Variants in STK38L observed in about 807,000 individuals in gnomAD.
The protein encoded by STK38L is serine/threonine-protein kinase 38-like.
In STK38L, 28 loss-of-function variants were observed where a neutral mutation model predicts 59.7. That is an observed-to-expected ratio of 0.47 (90% CI 0.35 to 0.64). STK38L has a LOEUF of 0.64. STK38L is among the 30% of genes least tolerant of loss of function. The pLI is 0.01. For missense variants in STK38L, 314 were observed against 555.8 expected, an observed-to-expected ratio of 0.56 and a Z score of 4.37; for synonymous variants, 162 against 176.8, an observed-to-expected ratio of 0.92 and a Z score of 0.66.
At chr12:27,317,856 A>G (rs766738308) in intron 10 of STK38L, 40 bp from the exon 11 acceptor site, 1 of 1,610,488 alleles carries the variant, frequency 6.2e-7, no homozygotes, top group Non-Finnish European at 8.5e-7. Context: ...TTCACTGCTC[A>G]CAAAGCTGAT....
chr12:27,317,298 T>C (rs776505808), intron 9 of STK38L, 38 bp from the exon 10 acceptor site: 8 of 1,431,270 alleles, frequency 5.6e-6, no homozygotes, highest in Non-Finnish European at 3.9e-6. Flanking sequence ...ATTTTTTAAA[T>C]GTTAAGAATG....
intron 1 of STK38L, among the ~76,000 whole-genome samples, chr12:27,267,779 T>G (rs1459516255): frequency 6.6e-6 from 1 of 152,018 alleles, no homozygotes; most frequent in African/African-American, 2.4e-5. Context: ...TTTGTTAGAG[T>G]ATGAAGTGGT....
chr12:27,310,075 G>A (rs1181012412), intron 5 of STK38L, among the ~76,000 whole-genome samples: 3 of 152,184 alleles, frequency 2.0e-5, no homozygotes, highest in Non-Finnish European at 4.4e-5. Flanking sequence ...AAGGCTCATT[G>A]AGATTTGCAG....
chr12:27,311,748 AGTTACTATAATT>A (rs1285573225), intron 5 of STK38L, among the ~76,000 whole-genome samples: 1 of 108,282 alleles, frequency 9.2e-6, no homozygotes, highest in Non-Finnish European at 1.9e-5. Context: ...TATAACATAA[AGTTACTATAATT>A]GTTACTATTT....
At chr12:27,305,563 G>T (rs1173339513) in intron 3 of STK38L, among the ~76,000 whole-genome samples, 33 of 152,106 alleles carry the variant, frequency 2.2e-4, no homozygotes. Context: ...GGGTGGGTTT[G>T]ATAAAAAATA....
In STK38L at chr12:27,308,859, A is replaced by T. The variant is rs200642729; in HGVS notation, c.310-255A>T. ...ATGTGTTTGTATGTATATATAAAAA[A>T]ATATATATAAATATAAATATATATA... On this transcript the variant is annotated intron_variant, in intron 4 of 13. Transcript: ENST00000389032. This position sits in a 1 kb window ranked among gnomAD's most constrained non-coding sequence, Gnocchi z 4.5. Among the ~76,000 whole-genome samples the T allele has an allele frequency of 0.1, 13,843 of 135,466 alleles. 666 individuals carry two copies. Among genetic ancestry groups the T allele is most frequent in the South Asian group, 0.12 (555 of 4,590 alleles). 88.9% of individuals were successfully genotyped at this position (135,466 alleles called of 152,430 possible).
intron 1 of STK38L, among the ~76,000 whole-genome samples, chr12:27,246,926 T>C (rs1942867468): frequency 6.6e-6 from 1 of 152,218 alleles, no homozygotes; most frequent in African/African-American, 2.4e-5. Context: ...CTGTGGTTGC[T>C]GTCTTCAAGG....
At chr12:27,284,401 T>C (rs1055812231) in intron 1 of STK38L, among the ~76,000 whole-genome samples, 2 of 152,200 alleles carry the variant, frequency 1.3e-5, no homozygotes, top group African/African-American at 2.4e-5. Flanking sequence ...CTAGATAATA[T>C]AGTCTCTCTC....
chr12:27,270,058 G>T (rs1025573699), intron 1 of STK38L, among the ~76,000 whole-genome samples: 5 of 151,958 alleles, frequency 3.3e-5, no homozygotes, highest in Admixed American at 1.3e-4. Flanking sequence ...CAGTGTTGTC[G>T]CCTGATTGTA....
chr12:27,318,122 G>A lies in STK38L; in HGVS notation c.1079+103G>A, dbSNP rs1944631703. 2.0e-5 allele frequency: 27 copies of A among 1,364,310 alleles called. No homozygotes were observed. In the South Asian group the frequency reaches 3.1e-4, roughly 16 times the overall value. The allele number at this position is 1,364,310 out of a possible 1,614,324, so 84.5% of individuals were successfully genotyped here. A position where few individuals can be genotyped will look rare whatever the true frequency, so the allele number is the denominator to read the frequency against. ...TGGGGGAAGAGGGGATACCACTGAT[G>A]TATACAGTCAAAGAGATCAATAAAG... On this transcript the variant is annotated intron_variant, in intron 11 of 13. Coordinates refer to ENST00000389032, the MANE Select transcript of STK38L (RefSeq NM_015000.4).
chr12:27,263,175 C>T (rs1042611488), intron 1 of STK38L, among the ~76,000 whole-genome samples: 1 of 152,120 alleles, frequency 6.6e-6, no homozygotes, highest in Non-Finnish European at 1.5e-5. Context: ...ATATAGAAAG[C>T]TTTTTGAAGA....
rs16931875 is a variant in STK38L at position 27,319,609 on chromosome 12, G to C, written c.1175+186G>C. On this transcript the variant is annotated intron_variant, in intron 12 of 13. Transcript: ENST00000389032. ...GGCTACAGCTTGATGACTCATTTTA[G>C]GCTAACATCCACTTTCAGGGAAGAA... Among the ~76,000 whole-genome samples, 352 of 152,242 alleles carry C rather than the reference G, an allele frequency of 2.3e-3. 6 individuals are homozygous for C. The East Asian group carries it at 0.049, about 21-fold the overall frequency.
intron 1 of STK38L, among the ~76,000 whole-genome samples, chr12:27,260,138 C>T (rs1247555368): frequency 6.6e-6 from 1 of 152,152 alleles, no homozygotes; most frequent in East Asian, 1.9e-4. Context: ...CATTCTCCTT[C>T]TTTGTCTCTT....
At chr12:27,285,472 ACTCT>A (rs1358652229) in intron 1 of STK38L, among the ~76,000 whole-genome samples, 1 of 152,090 alleles carries the variant, frequency 6.6e-6, no homozygotes, top group Admixed American at 6.5e-5. Flanking sequence ...TGTCTGCCTC[ACTCT>A]CTATCTCTCA....
rs1944746894 is a variant in STK38L at position 27,322,230 on chromosome 12, A to G, written c.1263A>G (p.Gln421=). 1 of 1,613,794 alleles carries G rather than the reference A, an allele frequency of 6.2e-7. No individual in the cohort carries two copies. Among genetic ancestry groups the G allele is most frequent in the Non-Finnish European group, 8.5e-7 (1 of 1,179,876 alleles). ...ACTTCCCTGAATCTGATATTTTACA[A>G]CCAGGTAAGACAATCTGTAATGTAA... ...FDDFPESDIL[Q]PVPNTTEPDY... Residue 421 remains glutamine, a synonymous_variant, in exon 13 of 14, where the codon CAA becomes CAG. Transcript: ENST00000389032.
intron 1 of STK38L, among the ~76,000 whole-genome samples, chr12:27,259,949 C>T (rs916802238): frequency 2.0e-5 from 3 of 152,182 alleles, no homozygotes; most frequent in Admixed American, 2.0e-4. Context: ...TTCCCATTTT[C>T]TGTCATTAAT....
At chr12:27,313,315 A>G (rs1944504167) in intron 6 of STK38L, among the ~76,000 whole-genome samples, 1 of 151,814 alleles carries the variant, frequency 6.6e-6, no homozygotes, top group Admixed American at 6.6e-5. Context: ...ATCATTGCTC[A>G]GCAAAGAGGG....
At chr12:27,274,180 G>A (rs1943482881) in intron 1 of STK38L, among the ~76,000 whole-genome samples, 1 of 151,044 alleles carries the variant, frequency 6.6e-6, no homozygotes, top group South Asian at 2.1e-4. Flanking sequence ...TTTAACCCAG[G>A]AGGCCAAGAG....
At position 27,324,003 on chromosome 12, in the gene STK38L, T is replaced by C. The variant is rs1219678160; in HGVS notation, c.*1548T>C. The C allele has an allele frequency of 6.6e-6, 1 of 152,116 alleles. No homozygotes were observed. Among genetic ancestry groups the C allele is most frequent in the Non-Finnish European group, 1.5e-5 (1 of 67,952 alleles). The allele number at this position is 152,116 out of a possible 1,614,324, so 9.4% of individuals were successfully genotyped here. On this transcript the variant is annotated 3_prime_UTR_variant, in exon 14 of 14. Transcript: ENST00000389032. ...AAAATCTAAAGTGATGAATTATTTG[T>C]AGGAATGTCTTCCTAATGGGGAAGA...
Sources: gnomAD v4.1 joint callset for allele counts (sites outside exome capture counted in the v4.1 genomes callset) on GRCh38, gnomAD v4.1.1 for gene constraint, Gnocchi (gnomAD v3.1) non-coding constraint, MANE v1.5 for transcripts, NCBI Gene and HGNC (gene_info 2026-07-23, HGNC 2026-07-21) for gene names.